CEP89: variants seen among roughly 807,000 people sequenced by gnomAD.
The protein encoded by CEP89 is centrosomal protein 89.
A neutral mutation model predicts 97.6 loss-of-function variants in CEP89; 95 were observed. That is an observed-to-expected ratio of 0.97 (90% CI 0.82 to 1.15). The LOEUF is 1.15. Ranked by LOEUF, CEP89 falls within the 50% of genes most tolerant of loss-of-function variation. The probability of loss-of-function intolerance (pLI) is 0.00; values close to 1 mark genes in which losing one functional copy is unlikely to be tolerated. For missense variants in CEP89, 869 were observed against 947.7 expected (o/e 0.92, Z 1.09); for synonymous variants, 354 against 349.1 (o/e 1.01, Z -0.16).
intron 1 of CEP89, among the ~76,000 whole-genome samples, chr19:32,968,662 A>G (rs1042523703): frequency 1.3e-5 from 2 of 152,022 alleles, no homozygotes; most frequent in Admixed American, 1.3e-4. Context: ...TACCATCACA[A>G]TCATTCCTAA....
intron 7 of CEP89, among the ~76,000 whole-genome samples, chr19:32,934,596 C>T (rs928520666): frequency 3.3e-5 from 5 of 152,134 alleles, no homozygotes; most frequent in African/African-American, 7.2e-5. Flanking sequence ...ACACACATAT[C>T]CAATCCCTAA....
At chr19:32,955,634 C>T (rs1971030106) in intron 3 of CEP89, among the ~76,000 whole-genome samples, 1 of 152,194 alleles carries the variant, frequency 6.6e-6, no homozygotes, top group African/African-American at 2.4e-5. Flanking sequence ...CTGCCTCAGC[C>T]TCCCGAGTAG....
intron 17 of CEP89, among the ~76,000 whole-genome samples, chr19:32,882,799 T>C (rs566426991): frequency 6.6e-6 from 1 of 152,306 alleles, no homozygotes; most frequent in African/African-American, 2.4e-5. Flanking sequence ...CGCTATTTAC[T>C]TTCCTTCTTT....
chr19:32,940,765 CTT>C (rs71338602), intron 5 of CEP89, among the ~76,000 whole-genome samples: 7 of 143,332 alleles, frequency 4.9e-5, no homozygotes, highest in Admixed American at 1.4e-4. Context: ...CATCGAGTTG[CTT>C]TTTTTTTTTT....
Position 32,899,850 on chromosome 19 carries a change from A to C in CEP89, c.1875+7T>G. The C allele has an allele frequency of 6.2e-7, 1 of 1,608,410 alleles. No individual in the cohort carries two copies. On this transcript the variant is annotated splice_region_variant and intron_variant, in intron 16 of 18. Transcript: ENST00000305768. ...AGTTTACTTGATGTAACCTTCAGGA[A>C]ACTTACCAAACACATAAGACTGTCA...
chr19:32,926,323 C>T (rs2145921796), intron 10 of CEP89, 50 bp from the exon 11 acceptor site: 2 of 1,323,258 alleles, frequency 1.5e-6, no homozygotes, highest in East Asian at 2.3e-5. Context: ...CATCTAAACA[C>T]AACCAGAAAA....
chr19:32,930,606 C>T (rs1439087690), intron 9 of CEP89, among the ~76,000 whole-genome samples: 3 of 152,082 alleles, frequency 2.0e-5, no homozygotes, highest in East Asian at 3.9e-4. Flanking sequence ...GCCCAGCCAG[C>T]GGTGCCTCCC....
At chr19:32,889,604 G>A (rs1249008032) in intron 16 of CEP89, among the ~76,000 whole-genome samples, 4 of 152,162 alleles carry the variant, frequency 2.6e-5, no homozygotes, top group East Asian at 1.9e-4. Context: ...GGGGTGGGCC[G>A]AGAGGAGAGT....
intron 16 of CEP89, among the ~76,000 whole-genome samples, chr19:32,889,858 A>G (rs1270187336): frequency 1.3e-5 from 2 of 152,028 alleles, no homozygotes; most frequent in Admixed American, 1.3e-4. Context: ...TGCCCTCTCC[A>G]TGTCCCGGTG....
At position 32,960,015 on chromosome 19, in the gene CEP89, G is replaced by A. The variant is rs750766209; in HGVS notation, c.190C>T (p.Arg64Trp). The A allele has an allele frequency of 4.5e-5, 72 of 1,614,078 alleles. No homozygotes were observed. Among genetic ancestry groups the A allele is most frequent in the Non-Finnish European group, 5.3e-5 (62 of 1,180,038 alleles). Reference protein sequence around the residue: ...AAILATTLTGRTVAIPQPRQR... With the variant: ...AAILATTLTGWTVAIPQPRQR... ...CGAGGCTGAGGAATAGCAACCGTCC[G>A]CCCAGTCAATGTTGTCGCCAGAATG... Residue 64 changes from arginine (R) to tryptophan (W), a missense_variant, in exon 3 of 19, where the codon CGG becomes TGG. Arg to Trp is a moderately radical substitution (Grantham distance 101). Coordinates refer to ENST00000305768, the MANE Select transcript of CEP89 (RefSeq NM_032816.5).
At chr19:32,940,215 A>T (rs1409097977) in intron 5 of CEP89, among the ~76,000 whole-genome samples, 3 of 150,084 alleles carry the variant, frequency 2.0e-5, no homozygotes, top group Non-Finnish European at 4.4e-5. Context: ...CACTCTCCAC[A>T]CATCTTCCCA....
intron 18 of CEP89, among the ~76,000 whole-genome samples, chr19:32,880,803 A>G (rs994307500): frequency 3.9e-5 from 6 of 152,234 alleles, no homozygotes; most frequent in Non-Finnish European, 7.3e-5. Context: ...CAGACAAAGT[A>G]TCAGTTGCTT....
chr19:32,960,277 T>C (rs1365635815), intron 2 of CEP89, among the ~76,000 whole-genome samples: 1 of 152,102 alleles, frequency 6.6e-6, no homozygotes, highest in African/African-American at 2.4e-5. Context: ...TCCATAGAAA[T>C]TAAATGACTT....
At chr19:32,894,557 T>G (rs1449533417) in intron 16 of CEP89, among the ~76,000 whole-genome samples, 1 of 152,248 alleles carries the variant, frequency 6.6e-6, no homozygotes, top group Non-Finnish European at 1.5e-5. Context: ...CATGTACAGC[T>G]AGGCACAAGG....
At chr19:32,908,070 C>T (rs1416072748) in intron 14 of CEP89, among the ~76,000 whole-genome samples, 1 of 152,182 alleles carries the variant, frequency 6.6e-6, no homozygotes, top group Non-Finnish European at 1.5e-5. Context: ...GAGGCTATGC[C>T]ATGTGGCTTT....
chr19:32,917,893 C>A (rs946484528), intron 13 of CEP89: 1 of 579,600 alleles, frequency 1.7e-6, no homozygotes, highest in Non-Finnish European at 2.2e-6. Flanking sequence ...TGGGAAGAGA[C>A]CCTGTGTTAT....
At chr19:32,939,719 G>GA in intron 6 of CEP89, 138 bp downstream of exon 6, 8 of 481,160 alleles carry the variant, frequency 1.7e-5, no homozygotes, top group Non-Finnish European at 3.1e-5. Flanking sequence ...CAACAGGAAA[G>GA]AACTCTTAAG....
chr19:32,945,360 G>T (rs867613762), intron 5 of CEP89, among the ~76,000 whole-genome samples: 14 of 151,886 alleles, frequency 9.2e-5, no homozygotes, highest in Admixed American at 1.3e-4. Context: ...GGGGTCTGGG[G>T]TTTTTCAGAA....
chr19:32,971,207 A>C, intron 1 of CEP89: 3 of 278,410 alleles, frequency 1.1e-5, no homozygotes, highest in Non-Finnish European at 2.0e-5. Context: ...TGTAGTGGGT[A>C]TATCGGATGG....
Sources: allele counts gnomAD v4.1 joint callset (sites outside exome capture counted in the v4.1 genomes callset), GRCh38; gene constraint gnomAD v4.1.1; transcripts MANE v1.5; gene names NCBI Gene and HGNC (gene_info 2026-07-23, HGNC 2026-07-21).